Variants in HOMER1 observed in about 807,000 individuals in gnomAD.
HOMER1 encodes homer protein homolog 1.
Under a neutral mutation model 48.9 loss-of-function variants are expected in HOMER1, and 3 were observed. The observed-to-expected ratio is 0.06, with a 90% CI of 0.03 to 0.16. The LOEUF is 0.16. HOMER1 is among the 10% of genes least tolerant of loss of function. The probability of loss-of-function intolerance (pLI) is 1.00; values close to 1 mark genes in which losing one functional copy is unlikely to be tolerated. For synonymous variants in HOMER1, 134 were observed against 146.4 expected, an observed-to-expected ratio of 0.92 and a Z score of 0.61; for missense variants, 247 against 411.4, an observed-to-expected ratio of 0.60 and a Z score of 3.46.
intron 6 of HOMER1, among the ~76,000 whole-genome samples, chr5:79,399,330 G>T (rs554836606): frequency 1.3e-5 from 2 of 152,184 alleles, no homozygotes; most frequent in African/African-American, 4.8e-5. Flanking sequence ...TCTCTGAGAA[G>T]CCTGAGAATT....
intron 5 of HOMER1, among the ~76,000 whole-genome samples, chr5:79,427,698 T>G (rs542988204): frequency 8.1e-6 from 1 of 123,810 alleles, no homozygotes; most frequent in African/African-American, 3.6e-5. Flanking sequence ...TTCCTTCCTT[T>G]CCTTCCTTCC....
intron 5 of HOMER1, among the ~76,000 whole-genome samples, chr5:79,403,038 C>T (rs184550679): frequency 6.6e-6 from 1 of 152,238 alleles, no homozygotes; most frequent in African/African-American, 2.4e-5. Flanking sequence ...TGATAAGTTA[C>T]TACAGTTAAG....
chr5:79,386,736 C>T (rs533363375), intron 8 of HOMER1, among the ~76,000 whole-genome samples: 56 of 152,078 alleles, frequency 3.7e-4, no homozygotes, highest in African/African-American at 1.0e-3. Context: ...CCCATAAATA[C>T]GTAAAATATT....
chr5:79,502,939 C>A (rs4518369), intron 1 of HOMER1, among the ~76,000 whole-genome samples: 1 of 151,378 alleles, frequency 6.6e-6, no homozygotes, highest in Non-Finnish European at 1.5e-5. Flanking sequence ...TACAGGCGCC[C>A]GCCACCACGC....
In HOMER1 at chr5:79,472,798, TA is replaced by T. The variant is rs900364496; in HGVS notation, c.6-15781del. On this transcript the variant is annotated intron_variant, in intron 1 of 8. Coordinates refer to ENST00000334082, the MANE Select transcript of HOMER1 (RefSeq NM_004272.5). Reference sequence around the variant, plus strand: ...TGTCTCTAAAAAAAATGTTTTTAATTAAAAAAAAAATTACAGCCCTAGTGAT... The same window carrying T: ...TGTCTCTAAAAAAAATGTTTTTAATTAAAAAAAAATTACAGCCCTAGTGAT... Among the ~76,000 whole-genome samples, 273 of 149,938 alleles carry T rather than the reference TA, an allele frequency of 1.8e-3. 1 individual carries two copies. The highest frequency in any genetic ancestry group is 6.2e-3 in the African/African-American group (252 of 40,956).
chr5:79,470,193 TAC>T (rs1025989230), intron 1 of HOMER1, among the ~76,000 whole-genome samples: 1 of 152,174 alleles, frequency 6.6e-6, no homozygotes, highest in Non-Finnish European at 1.5e-5. Flanking sequence ...ACAAGTTTAC[TAC>T]AGTGTTTTTC....
At chr5:79,482,860 G>A (rs1461362060) in intron 1 of HOMER1, among the ~76,000 whole-genome samples, 2 of 151,762 alleles carry the variant, frequency 1.3e-5, no homozygotes, top group African/African-American at 4.8e-5. Flanking sequence ...AAAAATAGCT[G>A]GACATGGTGG....
chr5:79,457,811 G>T (rs982658527), intron 1 of HOMER1, among the ~76,000 whole-genome samples: 1 of 152,084 alleles, frequency 6.6e-6, no homozygotes, highest in Non-Finnish European at 1.5e-5. Flanking sequence ...TAGTGTTGCT[G>T]GCACCTTCAT....
At chr5:79,381,337 C>T (rs1748967908) in intron 8 of HOMER1, among the ~76,000 whole-genome samples, 1 of 152,238 alleles carries the variant, frequency 6.6e-6, no homozygotes, top group African/African-American at 2.4e-5. Context: ...AGCGTAGATA[C>T]ATCTACAGGA....
chr5:79,450,452 G>A (rs1235632610), intron 3 of HOMER1, among the ~76,000 whole-genome samples: 5 of 152,040 alleles, frequency 3.3e-5, no homozygotes, highest in East Asian at 1.9e-4. Context: ...GGCCTTTCTG[G>A]TCACATGGTG....
In HOMER1 at chr5:79,379,115, A is replaced by ATATATATATATATATATATAT. The variant is rs1349080228; in HGVS notation, c.877-2919_877-2918insATATATATATATATATATATA. On this transcript the variant is annotated intron_variant, in intron 8 of 8. Transcript: ENST00000334082. The stretch of plus-strand genomic sequence containing the variant: ...ATATATATATATATATATATATATA[A>ATATATATATATATATATATAT]AATATATAAATATTTATTTATATAT... Among the ~76,000 whole-genome samples, 101 of 55,586 alleles carry ATATATATATATATATATATAT rather than the reference A, an allele frequency of 1.8e-3. 8 individuals carry two copies. Among genetic ancestry groups the ATATATATATATATATATATAT allele is most frequent in the Non-Finnish European group, 2.0e-3 (57 of 28,096 alleles). 36.5% of individuals were successfully genotyped at this position (55,586 alleles called of 152,430 possible). A position where few individuals can be genotyped will look rare whatever the true frequency, so the allele number is the denominator to read the frequency against.
chr5:79,464,303 G>C (rs942198427), intron 1 of HOMER1, among the ~76,000 whole-genome samples: 2 of 152,026 alleles, frequency 1.3e-5, no homozygotes, highest in Non-Finnish European at 2.9e-5. Context: ...TCCAATTCCC[G>C]ACAAAAACAT....
At chr5:79,500,959 GACAGACACACACACAC>G (rs1386780403) in intron 1 of HOMER1, among the ~76,000 whole-genome samples, 7 of 129,950 alleles carry the variant, frequency 5.4e-5, no homozygotes, top group Non-Finnish European at 9.3e-5. Context: ...GTGTGAGACA[GACAGACACACACACAC>G]ACACACACAC....
chr5:79,407,875 T>A (rs973476849), intron 5 of HOMER1, among the ~76,000 whole-genome samples: 7 of 152,240 alleles, frequency 4.6e-5, no homozygotes, highest in Admixed American at 4.6e-4. Flanking sequence ...TAGCTCCTTA[T>A]TCATTGTTTC....
At chr5:79,512,366 A>G (rs1320826875) in intron 1 of HOMER1, among the ~76,000 whole-genome samples, 1 of 152,256 alleles carries the variant, frequency 6.6e-6, no homozygotes, top group East Asian at 1.9e-4. Context: ...ACCACTCATT[A>G]AAATCGTTCC....
At chr5:79,468,200 T>C (rs1414036880) in intron 1 of HOMER1, among the ~76,000 whole-genome samples, 1 of 152,224 alleles carries the variant, frequency 6.6e-6, no homozygotes, top group East Asian at 1.9e-4. Flanking sequence ...AGAAAGTGAA[T>C]TAATTTAAAC....
chr5:79,494,971 T>C (rs978286190), intron 1 of HOMER1, among the ~76,000 whole-genome samples: 9 of 152,364 alleles, frequency 5.9e-5, no homozygotes, highest in African/African-American at 1.9e-4. Context: ...TTGCTCACCA[T>C]TACTTAACAG....
Position 79,426,550 on chromosome 5 carries a change from A to T in HOMER1, c.527+12460T>A, listed in dbSNP as rs112147988. 2.3e-3 allele frequency among the ~76,000 whole-genome samples: 357 copies of T among 152,254 alleles called. 3 individuals are homozygous for T. Among genetic ancestry groups the T allele is most frequent in the Admixed American group, 4.0e-3 (61 of 15,286 alleles). ...TTAAATAAAATAAGCCATGCGCAGA[A>T]AGACAAATGTTGCATATTCTTATTC... On this transcript the variant is annotated intron_variant, in intron 5 of 8. Transcript: ENST00000334082.
intron 1 of HOMER1, among the ~76,000 whole-genome samples, chr5:79,501,730 G>A (rs1003565089): frequency 5.3e-5 from 8 of 152,174 alleles, no homozygotes; most frequent in African/African-American, 1.9e-4. Flanking sequence ...AGAGCCCCAA[G>A]GAGCTGGGGG....
Sources: gnomAD v4.1 joint callset for allele counts (sites outside exome capture counted in the v4.1 genomes callset) on GRCh38, gnomAD v4.1.1 for gene constraint, MANE v1.5 for transcripts, NCBI Gene and HGNC (gene_info 2026-07-23, HGNC 2026-07-21) for gene names.